Variants in PTPRN2 observed in about 807,000 individuals in gnomAD.
PTPRN2 encodes receptor-type tyrosine-protein phosphatase N2.
A neutral mutation model predicts 118.8 loss-of-function variants in PTPRN2; 74 were observed. The observed-to-expected ratio is 0.62, with a 90% CI of 0.52 to 0.76. The LOEUF (loss-of-function observed/expected upper bound fraction) is 0.76. Ranked by LOEUF, PTPRN2 falls within the 30% of genes least tolerant of loss-of-function variation. The pLI is 0.00. For synonymous variants in PTPRN2, 641 were observed against 608.0 expected (o/e 1.05, Z -0.80); for missense variants, 1,481 against 1,394.4 (o/e 1.06, Z -0.99).
At chr7:158,498,263 A>ACCATCAAGT (rs1181592687) in intron 1 of PTPRN2, among the ~76,000 whole-genome samples, 2 of 152,252 alleles carry the variant, frequency 1.3e-5, no homozygotes, top group Non-Finnish European at 2.9e-5. Flanking sequence ...TACCAGGACA[A>ACCATCAAGT]CCATCAAGTC....
At chr7:157,948,081 T>A (rs1254075330) in intron 11 of PTPRN2, among the ~76,000 whole-genome samples, 1 of 152,186 alleles carries the variant, frequency 6.6e-6, no homozygotes, top group Non-Finnish European at 1.5e-5. Flanking sequence ...ATGCAGGTCA[T>A]TGAGGCTGAA....
intron 12 of PTPRN2, among the ~76,000 whole-genome samples, chr7:157,799,770 T>C (rs1805113133): frequency 6.8e-6 from 1 of 146,596 alleles, no homozygotes; most frequent in Admixed American, 6.7e-5. Context: ...GCCGGCCCCC[T>C]CCATCCCTCA....
At chr7:158,230,197 T>C (rs1273575431) in intron 3 of PTPRN2, among the ~76,000 whole-genome samples, 1 of 152,110 alleles carries the variant, frequency 6.6e-6, no homozygotes, top group Non-Finnish European at 1.5e-5. Flanking sequence ...GTCTTACCCA[T>C]ACAAACAAAA....
At chr7:158,155,406 T>A (rs1821615569) in intron 6 of PTPRN2, among the ~76,000 whole-genome samples, 1 of 152,082 alleles carries the variant, frequency 6.6e-6, no homozygotes, top group Non-Finnish European at 1.5e-5. Context: ...GTTAGCCACA[T>A]CTGAACACCC....
At chr7:157,961,089 T>C (rs534261737) in intron 11 of PTPRN2, among the ~76,000 whole-genome samples, 4 of 152,354 alleles carry the variant, frequency 2.6e-5, no homozygotes, top group South Asian at 2.1e-4. Flanking sequence ...TCAATTATAT[T>C]AAAATATGTA....
intron 2 of PTPRN2, among the ~76,000 whole-genome samples, chr7:158,368,667 G>A (rs1047131892): frequency 3.3e-5 from 5 of 152,194 alleles, no homozygotes; most frequent in Non-Finnish European, 5.9e-5. Context: ...AGCAGCTGGG[G>A]GGCTCCCCAG....
chr7:158,197,807 G>A (rs988773891), intron 4 of PTPRN2, among the ~76,000 whole-genome samples: 6 of 152,192 alleles, frequency 3.9e-5, no homozygotes, highest in South Asian at 2.1e-4. Flanking sequence ...ACTATCATGA[G>A]AACAGCATGG....
At chr7:158,345,680 A>G (rs1384953538) in intron 2 of PTPRN2, among the ~76,000 whole-genome samples, 2 of 152,222 alleles carry the variant, frequency 1.3e-5, no homozygotes, top group Non-Finnish European at 2.9e-5. Context: ...CACATTTTAT[A>G]ATTTACAATT....
intron 11 of PTPRN2, among the ~76,000 whole-genome samples, chr7:158,063,759 C>T (rs1199926022): frequency 6.6e-6 from 1 of 152,214 alleles, no homozygotes; most frequent in Non-Finnish European, 1.5e-5. Context: ...CTGTAACACT[C>T]ACTGCAAGGG....
At chr7:158,146,986 CCCT>C (rs1820142993) in intron 6 of PTPRN2, among the ~76,000 whole-genome samples, 1 of 95,900 alleles carries the variant, frequency 1.0e-5, no homozygotes, top group African/African-American at 4.2e-5. Context: ...GTGTCTTTCC[CCCT>C]CAATGACACC....
At chr7:157,967,394 AGCT>A (rs1172132432) in intron 11 of PTPRN2, among the ~76,000 whole-genome samples, 1 of 152,202 alleles carries the variant, frequency 6.6e-6, no homozygotes, top group Non-Finnish European at 1.5e-5. Flanking sequence ...GTGTCGGCTG[AGCT>A]GCACTCCTTT....
At chr7:157,556,526 C>A (rs991693698) in intron 21 of PTPRN2, among the ~76,000 whole-genome samples, 9 of 149,458 alleles carry the variant, frequency 6.0e-5, no homozygotes, top group African/African-American at 2.2e-4. Flanking sequence ...GCACACACCA[C>A]ACAACACTCG....
At chr7:158,387,530 T>A (rs1811537953) in intron 2 of PTPRN2, among the ~76,000 whole-genome samples, 1 of 152,300 alleles carries the variant, frequency 6.6e-6, no homozygotes, top group African/African-American at 2.4e-5. Flanking sequence ...ACTCTCTGGG[T>A]CCTGGGGGGA....
At chr7:158,277,132 C>T (rs1458943017) in intron 3 of PTPRN2, among the ~76,000 whole-genome samples, 2 of 152,220 alleles carry the variant, frequency 1.3e-5, no homozygotes, top group Non-Finnish European at 2.9e-5. Flanking sequence ...CACGTGCCCG[C>T]ACACGCACAC....
At chr7:158,364,972 C>T (rs1006833080) in intron 2 of PTPRN2, among the ~76,000 whole-genome samples, 2 of 12,526 alleles carry the variant, frequency 1.6e-4, no homozygotes, top group Non-Finnish European at 3.3e-4. Context: ...GCACCCACAA[C>T]ACACACATTC....
chr7:157,985,151 A>G (rs1803679892), intron 11 of PTPRN2, among the ~76,000 whole-genome samples: 1 of 152,188 alleles, frequency 6.6e-6, no homozygotes, highest in African/African-American at 2.4e-5. Context: ...GTGACATCAG[A>G]TGTTTGGGCC....
At chr7:157,943,243 A>C (rs1174400948) in intron 11 of PTPRN2, among the ~76,000 whole-genome samples, 1 of 152,176 alleles carries the variant, frequency 6.6e-6, no homozygotes, top group Non-Finnish European at 1.5e-5. Flanking sequence ...ATCTCACCAG[A>C]GGATAAACAG....
intron 6 of PTPRN2, among the ~76,000 whole-genome samples, chr7:158,150,911 G>T (rs1820956913): frequency 6.6e-6 from 1 of 151,698 alleles, no homozygotes. Flanking sequence ...TGCAGCAAAT[G>T]GGCCCCACAC....
At chr7:157,912,937 T>G (rs1275930363) in intron 11 of PTPRN2, among the ~76,000 whole-genome samples, 3 of 152,212 alleles carry the variant, frequency 2.0e-5, no homozygotes, top group Non-Finnish European at 4.4e-5. Context: ...TGGCTCTTTG[T>G]ACTTATACAT....
Sources: gnomAD v4.1 joint callset for allele counts (sites outside exome capture counted in the v4.1 genomes callset) on GRCh38, gnomAD v4.1.1 for gene constraint, MANE v1.5 for transcripts, NCBI Gene and HGNC (gene_info 2026-07-23, HGNC 2026-07-21) for gene names.